The following CHD6 variants were observed in gnomAD, a reference collection of about 807,000 sequenced individuals.
CHD6 encodes ATP-dependent chromatin remodeler CHD6.
A neutral mutation model predicts 276.9 loss-of-function variants in CHD6; 50 were observed. The ratio of observed to expected loss-of-function variants is 0.18; its 90% confidence interval spans 0.14 to 0.23. The LOEUF (loss-of-function observed/expected upper bound fraction) is 0.23, where lower values mean the gene tolerates loss of function less well. Among genes scored for constraint, CHD6 ranks in the 10% least tolerant of loss-of-function variants. The pLI is 1.00. For synonymous variants in CHD6, 1,173 were observed against 1,229.3 expected, an observed-to-expected ratio of 0.95 and a Z score of 0.96; for missense variants, 2,564 against 3,365.8, an observed-to-expected ratio of 0.76 and a Z score of 5.89.
intron 1 of CHD6, among the ~76,000 whole-genome samples, chr20:41,616,261 G>C (rs1423180188): frequency 6.6e-6 from 1 of 152,076 alleles, no homozygotes; most frequent in Non-Finnish European, 1.5e-5. Flanking sequence ...TAAAGATATA[G>C]AATATTTAAA....
In CHD6 at chr20:41,403,339, G is replaced by A; in HGVS notation, c.*1254C>T. The A allele has an allele frequency of 5.6e-6, 6 of 1,063,090 alleles. No individual in the cohort carries two copies. Among genetic ancestry groups the A allele is most frequent in the Non-Finnish European group, 6.8e-6 (6 of 877,668 alleles). 65.9% of individuals were successfully genotyped at this position (1,063,090 alleles called of 1,614,324 possible). On this transcript the variant is annotated 3_prime_UTR_variant, in exon 37 of 37. Coordinates refer to ENST00000373233, the MANE Select transcript of CHD6 (RefSeq NM_032221.5). Reference sequence around the variant, plus strand: ...CCTGTGAAGAGTGAGACCATCAGAAGGGACGTTAACATGAAGGTGAAAGGA... The same window carrying A: ...CCTGTGAAGAGTGAGACCATCAGAAAGGACGTTAACATGAAGGTGAAAGGA...
chr20:41,584,599 T>G (rs114713293), intron 1 of CHD6, among the ~76,000 whole-genome samples: 2 of 151,854 alleles, frequency 1.3e-5, no homozygotes, highest in Non-Finnish European at 2.9e-5. Context: ...CTCAACAAAT[T>G]TGAAAGAATT....
intron 1 of CHD6, among the ~76,000 whole-genome samples, chr20:41,551,747 T>C (rs2045149948): frequency 6.6e-6 from 1 of 152,102 alleles, no homozygotes; most frequent in South Asian, 2.1e-4. Flanking sequence ...CAATCAATGA[T>C]GTCTACAATG....
chr20:41,505,482 G>A (rs898035156), intron 5 of CHD6, among the ~76,000 whole-genome samples: 5 of 151,990 alleles, frequency 3.3e-5, no homozygotes, highest in African/African-American at 9.7e-5. Context: ...CCTGATCCTC[G>A]GCCCACTCCC....
chr20:41,555,551 C>T (rs1385967744), intron 1 of CHD6, among the ~76,000 whole-genome samples: 3 of 150,804 alleles, frequency 2.0e-5, no homozygotes, highest in Non-Finnish European at 3.0e-5. Context: ...GGTTGCCAGG[C>T]GGAGGGTCTC....
At chr20:41,590,300 A>T (rs2045643288) in intron 1 of CHD6, among the ~76,000 whole-genome samples, 1 of 152,250 alleles carries the variant, frequency 6.6e-6, no homozygotes, top group Non-Finnish European at 1.5e-5. Context: ...GGACACAGGC[A>T]TGGGCAAGAA....
chr20:41,609,305 C>T (rs540878090), intron 1 of CHD6, among the ~76,000 whole-genome samples: 24 of 152,234 alleles, frequency 1.6e-4, no homozygotes, highest in Admixed American at 6.5e-4. Flanking sequence ...AAAATACATG[C>T]CCAGAGATCT....
In CHD6 at chr20:41,405,467, A is replaced by G. The variant is rs745862560; in HGVS notation, c.7274T>C (p.Phe2425Ser). 6.4e-7 allele frequency: 1 copy of G among 1,555,104 alleles called. No individual in the cohort carries two copies. The highest frequency in any genetic ancestry group is 8.7e-7 in the Non-Finnish European group (1 of 1,152,264). Residue 2425 changes from phenylalanine (F) to serine (S), a missense_variant, in exon 37 of 37, where the codon TTC (phenylalanine) becomes TCC (serine). Physicochemically the swap from Phe to Ser is radical, Grantham distance 155. Transcript: ENST00000373233. ...GLRGFLPENK[F>S]NHTLAEPILR... ...AATAGGCTCAGCCAGAGTGTGATTG[A>G]ACTTGTTTTCTGGAAGAAACCCCTG...
At chr20:41,509,478 T>C (rs2044061841) in intron 5 of CHD6, among the ~76,000 whole-genome samples, 1 of 152,026 alleles carries the variant, frequency 6.6e-6, no homozygotes, top group South Asian at 2.1e-4. Flanking sequence ...GGGGCACTTA[T>C]CCCCAGCTCG....
chr20:41,404,429 C>A lies in CHD6; in HGVS notation c.*164G>T. 7.5e-7 allele frequency: 1 copy of A among 1,325,586 alleles called. No individual in the cohort carries two copies. The highest frequency in any genetic ancestry group is 9.6e-7 in the Non-Finnish European group (1 of 1,039,668). 82.1% of individuals were successfully genotyped at this position (1,325,586 alleles called of 1,614,324 possible). A position where few individuals can be genotyped will look rare whatever the true frequency, so the allele number is the denominator to read the frequency against. ...ACTTATCTAATGAAGTGGTGAGACC[C>A]TGCAACTATTAACATCTGTTACCAT... On this transcript the variant is annotated 3_prime_UTR_variant, in exon 37 of 37. Coordinates refer to ENST00000373233, the MANE Select transcript of CHD6 (RefSeq NM_032221.5).
intron 34 of CHD6, chr20:41,414,184 T>C (rs898857069): frequency 6.6e-6 from 1 of 152,186 alleles, no homozygotes; most frequent in Admixed American, 6.5e-5. Flanking sequence ...CCAGATTACT[T>C]TGAAAGTCTA....
At chr20:41,416,816 T>C (rs771448233) in intron 32 of CHD6, 22 bp from the exon 33 acceptor site, 172 of 1,494,688 alleles carry the variant, frequency 1.2e-4, no homozygotes, top group Non-Finnish European at 1.5e-4. Context: ...GATAAAGCTC[T>C]GATGAATAAG....
chr20:41,592,175 T>C (rs766852717), intron 1 of CHD6, among the ~76,000 whole-genome samples: 27 of 152,176 alleles, frequency 1.8e-4, no homozygotes, highest in Admixed American at 3.9e-4. Context: ...TCCAAAGCTT[T>C]TGAGTACTAT....
chr20:41,595,719 A>G (rs2045710204), intron 1 of CHD6, among the ~76,000 whole-genome samples: 1 of 152,170 alleles, frequency 6.6e-6, no homozygotes, highest in African/African-American at 2.4e-5. Flanking sequence ...TGAAAGGACT[A>G]AACATTAGAA....
intron 1 of CHD6, among the ~76,000 whole-genome samples, chr20:41,587,179 T>C (rs1299451602): frequency 2.0e-5 from 3 of 152,214 alleles, no homozygotes; most frequent in East Asian, 3.8e-4. Flanking sequence ...AAGAAACAAT[T>C]GCAAATTAAC....
chr20:41,489,916 A>G lies in CHD6; in HGVS notation c.1542T>C (p.Ile514=). 6.2e-7 allele frequency: 1 copy of G among 1,614,052 alleles called. No homozygotes were observed. Among genetic ancestry groups the G allele is most frequent in the Non-Finnish European group, 8.5e-7 (1 of 1,179,952 alleles). The change falls in exon 12 of 37, where the codon ATT becomes ATC. Residue 514 remains isoleucine, a synonymous_variant. Coordinates refer to ENST00000373233, the MANE Select transcript of CHD6 (RefSeq NM_032221.5). ...FLRGIHGPFL[I]IAPLSTITNW... is the part of the protein sequence containing the mutation. ...TAGTGATGGTGGAGAGAGGGGCGAT[A>G]ATGAGAAAAGGGCCGTGGATTCCTC... is the stretch of plus-strand genomic sequence containing the variant.
At position 41,403,878 on chromosome 20, in the gene CHD6, G is replaced by A. The variant is rs893545026; in HGVS notation, c.*715C>T. ...AACTCATGGTGGGTAAAGCTTTCTC[G>A]CAGCAAGAGGAATCTTTTCACTGGT... On this transcript the variant is annotated 3_prime_UTR_variant, in exon 37 of 37. Transcript: ENST00000373233. 5 of 1,056,448 alleles carry A rather than the reference G, an allele frequency of 4.7e-6. No homozygotes were observed. Among genetic ancestry groups the A allele is most frequent in the East Asian group, 5.3e-5 (1 of 19,044 alleles). The allele number at this position is 1,056,448 out of a possible 1,614,324, so 65.4% of individuals were successfully genotyped here. A position where few individuals can be genotyped will look rare whatever the true frequency, so the allele number is the denominator to read the frequency against.
intron 3 of CHD6, among the ~76,000 whole-genome samples, chr20:41,515,485 C>T (rs978758423): frequency 5.3e-5 from 8 of 152,196 alleles, no homozygotes; most frequent in African/African-American, 1.9e-4. Flanking sequence ...TACATGAATG[C>T]TTCCTCAGAG....
At chr20:41,559,878 C>T (rs371731721) in intron 1 of CHD6, among the ~76,000 whole-genome samples, 2 of 151,904 alleles carry the variant, frequency 1.3e-5, no homozygotes, top group East Asian at 1.9e-4. Flanking sequence ...CACACACACA[C>T]GCACACATAC....
Sources: allele counts gnomAD v4.1 joint callset (sites outside exome capture counted in the v4.1 genomes callset), GRCh38; gene constraint gnomAD v4.1.1; transcripts MANE v1.5; gene names NCBI Gene and HGNC (gene_info 2026-07-23, HGNC 2026-07-21).